Variants in MALRD1 observed in about 807,000 individuals in gnomAD.
MALRD1 encodes the protein MAM and LDL receptor class A domain containing 1.
Under a neutral mutation model 242.1 loss-of-function variants are expected in MALRD1, and 247 were observed. The ratio of observed to expected loss-of-function variants is 1.02; its 90% CI spans 0.92 to 1.13. The LOEUF (loss-of-function observed/expected upper bound fraction) is 1.13, where lower values mean the gene tolerates loss of function less well. MALRD1 is among the 50% of genes most tolerant of loss of function. The pLI is 0.00. For synonymous variants in MALRD1, 995 were observed against 866.6 expected, an observed-to-expected ratio of 1.15 and a Z score of -2.60; for missense variants, 2,989 against 2,533.1, an observed-to-expected ratio of 1.18 and a Z score of -3.86.
chr10:19,134,982 T>C (rs1053572972), intron 9 of MALRD1, among the ~76,000 whole-genome samples: 9 of 152,162 alleles, frequency 5.9e-5, no homozygotes, highest in African/African-American at 2.2e-4. Context: ...ACATTAATAA[T>C]TTTTACATGT....
chr10:19,050,385 CCTT>C (rs1297270213), intron 1 of MALRD1, among the ~76,000 whole-genome samples: 1 of 149,444 alleles, frequency 6.7e-6, no homozygotes, highest in Admixed American at 6.6e-5. Flanking sequence ...CCGCGCCCGG[CCTT>C]CTTTTTTTTT....
chr10:19,311,408 G>A (rs527929872), intron 21 of MALRD1, among the ~76,000 whole-genome samples: 1 of 151,326 alleles, frequency 6.6e-6, no homozygotes, highest in African/African-American at 2.4e-5. Context: ...TTTCCTGCTG[G>A]TGTTTACCTT....
chr10:19,210,475 G>A (rs1837001924), intron 18 of MALRD1, among the ~76,000 whole-genome samples: 1 of 152,224 alleles, frequency 6.6e-6, no homozygotes, highest in Admixed American at 6.5e-5. Context: ...ATATCATAGA[G>A]CCTATAACAT....
At chr10:19,392,252 A>G (rs1846370200) in intron 28 of MALRD1, among the ~76,000 whole-genome samples, 3 of 152,172 alleles carry the variant, frequency 2.0e-5, no homozygotes, top group South Asian at 2.1e-4. Context: ...AGTCACAGAA[A>G]TAACTTTACC....
intron 31 of MALRD1, among the ~76,000 whole-genome samples, chr10:19,525,064 C>T (rs1052517650): frequency 6.7e-6 from 1 of 150,034 alleles, no homozygotes; most frequent in Non-Finnish European, 1.5e-5. Context: ...ACCACCATGC[C>T]CAGCTAATTT....
At chr10:19,122,279 C>T (rs1204395914) in intron 5 of MALRD1, among the ~76,000 whole-genome samples, 1 of 152,054 alleles carries the variant, frequency 6.6e-6, no homozygotes, top group Non-Finnish European at 1.5e-5. Flanking sequence ...GTGAGCTGGA[C>T]AGATAGGGCT....
chr10:19,419,365 G>A (rs1833632351), intron 28 of MALRD1, among the ~76,000 whole-genome samples: 1 of 152,078 alleles, frequency 6.6e-6, no homozygotes, highest in Non-Finnish European at 1.5e-5. Flanking sequence ...CACGATCTCA[G>A]CTCACTGTAA....
rs569568438 is a variant in MALRD1, at chr10:19,609,230, A to G, written c.6070+1328A>G. Among the ~76,000 whole-genome samples, 4 of 152,188 alleles carry G rather than the reference A, an allele frequency of 2.6e-5. No homozygotes were observed. The South Asian group carries it at 8.3e-4, about 32-fold the overall frequency. ...TTTTCATCACTCACCAGTCATGTTT[A>G]CAGTTCACTTAGAAAGTGTAGGTCA... On this transcript the variant is annotated intron_variant, in intron 35 of 39. Coordinates refer to ENST00000454679, the MANE Select transcript of MALRD1 (RefSeq NM_001142308.3).
chr10:19,552,815 G>C (rs1420588609), intron 32 of MALRD1, among the ~76,000 whole-genome samples: 1 of 151,890 alleles, frequency 6.6e-6, no homozygotes, highest in Non-Finnish European at 1.5e-5. Flanking sequence ...ATCAAGTTCT[G>C]CTCTCCTGCC....
intron 17 of MALRD1, among the ~76,000 whole-genome samples, chr10:19,206,062 A>G (rs1016710674): frequency 6.7e-6 from 1 of 149,954 alleles, no homozygotes; most frequent in Non-Finnish European, 1.5e-5. Context: ...TTTATATTTT[A>G]TATATGAAAA....
intron 14 of MALRD1, among the ~76,000 whole-genome samples, chr10:19,193,717 T>A (rs1165922283): frequency 2.0e-5 from 3 of 152,172 alleles, no homozygotes; most frequent in Non-Finnish European, 2.9e-5. Context: ...GAGTTCCCTG[T>A]GAATTTTAAG....
intron 23 of MALRD1, among the ~76,000 whole-genome samples, chr10:19,329,501 C>G (rs181027409): frequency 5.3e-5 from 8 of 151,774 alleles, no homozygotes; most frequent in African/African-American, 1.9e-4. Flanking sequence ...GTGCTACATA[C>G]TATTTATGAA....
At chr10:19,192,168 C>G (rs920846900) in intron 14 of MALRD1, among the ~76,000 whole-genome samples, 2 of 151,990 alleles carry the variant, frequency 1.3e-5, no homozygotes, top group Non-Finnish European at 2.9e-5. Context: ...TGGTAGATTC[C>G]TGGGCCTGAG....
rs972086874 is a variant in MALRD1 at position 19,124,559 on chromosome 10, G to A, written c.832G>A (p.Glu278Lys). ...CTGTGGGTTTGAATTTGACATGTGT[G>A]AGTGGACGTCAGAAGCATCTGCTGG... ...QACGFEFDMC[E>K]WTSEASAGQI... The change falls in exon 7 of 40, where the codon GAG becomes AAG. Residue 278 changes from glutamate to lysine, a missense_variant. Coordinates refer to ENST00000454679, the MANE Select transcript of MALRD1 (RefSeq NM_001142308.3). The A allele has an allele frequency of 6.5e-6, 8 of 1,233,822 alleles. No homozygotes were observed. The highest frequency in any genetic ancestry group is 8.1e-6 in the Non-Finnish European group (8 of 988,124). 76.4% of individuals were successfully genotyped at this position (1,233,822 alleles called of 1,614,324 possible).
intron 35 of MALRD1, among the ~76,000 whole-genome samples, chr10:19,608,965 T>C (rs544102077): frequency 6.6e-6 from 1 of 152,226 alleles, no homozygotes; most frequent in African/African-American, 2.4e-5. Flanking sequence ...ACTGAGTAGC[T>C]CTATTCTTTG....
intron 14 of MALRD1, among the ~76,000 whole-genome samples, chr10:19,200,645 G>GTGTTTT (rs1836480722): frequency 1.0e-4 from 7 of 69,448 alleles, no homozygotes; most frequent in African/African-American, 2.9e-4. Flanking sequence ...CCTGCTTGAG[G>GTGTTTT]TTTTTTTTTT....
chr10:19,655,554 A>G (rs1007528286), intron 36 of MALRD1, among the ~76,000 whole-genome samples: 11 of 143,592 alleles, frequency 7.7e-5, no homozygotes, highest in Non-Finnish European at 1.4e-4. Flanking sequence ...ATATATATAT[A>G]TATATATATA....
chr10:19,490,173 T>C lies in MALRD1; in HGVS notation c.5030-1344T>C, dbSNP rs114286116. ...TGTGTACATATTGAAATGTCTGTAC[T>C]GATCCTCAACCAATACAATGTCAGT... On this transcript the variant is annotated intron_variant, in intron 29 of 39. Transcript: ENST00000454679. 4.3e-3 allele frequency among the ~76,000 whole-genome samples: 658 copies of C among 152,312 alleles called. 1 individual carries two copies. The highest frequency in any genetic ancestry group is 0.014 in the African/African-American group (595 of 41,570).
intron 14 of MALRD1, among the ~76,000 whole-genome samples, chr10:19,183,402 T>A (rs1835602194): frequency 1.3e-5 from 2 of 152,092 alleles, no homozygotes; most frequent in Admixed American, 6.6e-5. Context: ...ACAGAGACCT[T>A]AATTGCTTGA....
Sources: gnomAD v4.1 joint callset for allele counts (sites outside exome capture counted in the v4.1 genomes callset) on GRCh38, gnomAD v4.1.1 for gene constraint, MANE v1.5 for transcripts, NCBI Gene and HGNC (gene_info 2026-07-23, HGNC 2026-07-21) for gene names.